Variants in ZNF165 observed in about 807,000 individuals in gnomAD.
ZNF165 encodes the protein zinc finger protein 165.
ZNF165 carries 14 observed loss-of-function variants against 19.6 expected under a neutral mutation model. That is an observed-to-expected ratio of 0.71 (90% CI 0.47 to 1.12). ZNF165 has a LOEUF of 1.12. Ranked by LOEUF, ZNF165 falls within the 50% of genes most tolerant of loss-of-function variation. The pLI, the probability that ZNF165 is intolerant of heterozygous loss-of-function variation, is 0.00. For synonymous variants in ZNF165, 165 were observed against 195.0 expected (o/e 0.85, Z 1.28); for missense variants, 504 against 566.3 (o/e 0.89, Z 1.12).
At chr6:28,081,693 T>C (rs1422975851) in intron 1 of ZNF165, among the ~76,000 whole-genome samples, 2 of 152,104 alleles carry the variant, frequency 1.3e-5, no homozygotes, top group Non-Finnish European at 1.5e-5. Flanking sequence ...TCAGGAGCCC[T>C]GCTCTTTAAC....
chr6:28,085,899 G>C lies in ZNF165; in HGVS notation c.411+8G>C. The C allele has an allele frequency of 6.2e-7, 1 of 1,605,002 alleles. No individual in the cohort carries two copies. The highest frequency in any genetic ancestry group is 2.2e-5 in the East Asian group (1 of 44,876). On this transcript the variant is annotated splice_region_variant and intron_variant, in intron 2 of 3. Coordinates refer to ENST00000683778, the MANE Select transcript of ZNF165 (RefSeq NM_001376491.1). ...GATGAAGCAGTACTCCAGGTGCACAGGGGATGGGAGATCTAAGACCTCCAT... is the reference window on the plus strand; with the variant it reads ...GATGAAGCAGTACTCCAGGTGCACACGGGATGGGAGATCTAAGACCTCCAT...
chr6:28,083,611 G>A (rs1304889605), intron 1 of ZNF165, among the ~76,000 whole-genome samples: 1 of 152,208 alleles, frequency 6.6e-6, no homozygotes, highest in Non-Finnish European at 1.5e-5. Flanking sequence ...CGACATAGCA[G>A]TAGGGACTAC....
At position 28,085,909 on chromosome 6, in the gene ZNF165, G is replaced by C; in HGVS notation, c.411+18G>C. On this transcript the variant is annotated intron_variant, in intron 2 of 3. Transcript: ENST00000683778. ...TACTCCAGGTGCACAGGGGATGGGAGATCTAAGACCTCCATAATGGATAAA... is the reference window on the plus strand; with the variant it reads ...TACTCCAGGTGCACAGGGGATGGGACATCTAAGACCTCCATAATGGATAAA... The C allele has an allele frequency of 1.9e-6, 3 of 1,601,870 alleles. No homozygotes were observed. The highest frequency in any genetic ancestry group is 2.5e-6 in the Non-Finnish European group (3 of 1,179,022).
At chr6:28,086,701 T>C (rs1330251378) in intron 3 of ZNF165, among the ~76,000 whole-genome samples, 8 of 151,694 alleles carry the variant, frequency 5.3e-5, no homozygotes, top group African/African-American at 1.9e-4. Flanking sequence ...AGAGCAAGAC[T>C]CCATCTCATA....
At position 28,089,406 on chromosome 6, in the gene ZNF165, T is replaced by G; in HGVS notation, c.1394T>G (p.Phe465Cys). ...PYECSECGRA[F>C]SQSSNLSQHQ... is the part of the protein sequence containing the mutation. ...GAATGCAGTGAGTGTGGAAGAGCCTTCAGTCAGAGCTCAAACCTTAGTCAA... is the reference window on the plus strand; with the variant it reads ...GAATGCAGTGAGTGTGGAAGAGCCTGCAGTCAGAGCTCAAACCTTAGTCAA... The change falls in exon 4 of 4, where the codon TTC (phenylalanine) becomes TGC (cysteine). Residue 465 changes from phenylalanine to cysteine, a missense_variant. Coordinates refer to ENST00000683778, the MANE Select transcript of ZNF165 (RefSeq NM_001376491.1). The G allele has an allele frequency of 6.2e-7, 1 of 1,614,094 alleles. No homozygotes were observed. Among genetic ancestry groups the G allele is most frequent in the South Asian group, 1.1e-5 (1 of 91,064 alleles).
In ZNF165 at chr6:28,088,988, T is replaced by G. The variant is rs144627947; in HGVS notation, c.976T>G (p.Phe326Val). 15 of 1,614,122 alleles carry G rather than the reference T, an allele frequency of 9.3e-6. No homozygotes were observed. In the African/African-American group the frequency reaches 1.5e-4, roughly 16 times the overall value. Residue 326 changes from phenylalanine to valine, a missense_variant, in exon 4 of 4, where the codon TTC (phenylalanine) becomes GTC (valine). Physicochemically the swap from Phe to Val is conservative, Grantham distance 50 (BLOSUM62 -1). Transcript: ENST00000683778. ...GEKNHQYGKSFKSPKLAKHAA... is the reference protein window; with the variant it reads ...GEKNHQYGKSVKSPKLAKHAA... ...AAAAAATCACCAATATGGAAAATCT[T>G]TCAAGAGCCCAAAACTTGCTAAACA...
At position 28,089,191 on chromosome 6, in the gene ZNF165, T is replaced by G; in HGVS notation, c.1179T>G (p.Ile393Met). 1 of 1,614,192 alleles carries G rather than the reference T, an allele frequency of 6.2e-7. No individual in the cohort carries two copies. The highest frequency in any genetic ancestry group is 2.2e-5 in the East Asian group (1 of 44,872). Residue 393 changes from isoleucine to methionine, a missense_variant, in exon 4 of 4, where the codon ATT (isoleucine) becomes ATG (methionine). Ile to Met is a conservative substitution (Grantham distance 10). Coordinates refer to ENST00000683778, the MANE Select transcript of ZNF165 (RefSeq NM_001376491.1). ...ESSDLTRHRR[I>M]HTGERPFGCK... ...CAGATCTTACTAGACATCGGCGAAT[T>G]CACACTGGGGAAAGACCCTTTGGTT...
At chr6:28,088,081 T>C (rs1201507957) in intron 3 of ZNF165, among the ~76,000 whole-genome samples, 1 of 152,206 alleles carries the variant, frequency 6.6e-6, no homozygotes, top group African/African-American at 2.4e-5. Context: ...CCATGGAATA[T>C]GAGGAAGAAA....
intron 3 of ZNF165, 147 bp downstream of exon 3, chr6:28,086,457 A>G: frequency 8.2e-7 from 1 of 1,221,686 alleles, no homozygotes; most frequent in Non-Finnish European, 1.1e-6. Context: ...GCGGTGGCTC[A>G]CTCCTGTAAT....
intron 1 of ZNF165, among the ~76,000 whole-genome samples, 196 bp from the exon 2 acceptor site, chr6:28,085,285 C>T (rs1014552992): frequency 6.6e-6 from 1 of 152,082 alleles, no homozygotes; most frequent in Non-Finnish European, 1.5e-5. Flanking sequence ...CAGTTGTATT[C>T]TAGAAACCAA....
chr6:28,087,767 A>T, intron 3 of ZNF165, among the ~76,000 whole-genome samples: 1 of 152,196 alleles, frequency 6.6e-6, no homozygotes, highest in East Asian at 1.9e-4. Context: ...ACTGGATCAT[A>T]AATGGATCTT....
chr6:28,087,997 A>G (rs1764317964), intron 3 of ZNF165, among the ~76,000 whole-genome samples: 1 of 152,224 alleles, frequency 6.6e-6, no homozygotes. Flanking sequence ...CGATGGTAGC[A>G]GAAATATAAA....
chr6:28,085,819 C>T lies in ZNF165; in HGVS notation c.339C>T (p.Tyr113=). ...TGCAGGCCTGGGTACATGAACATTA[C>T]CCAGAGAGTGGAGAGGAGGCAGTGA... ...GDLQAWVHEH[Y]PESGEEAVTI... Residue 113 remains tyrosine, a synonymous_variant, in exon 2 of 4, where the codon TAC becomes TAT. Coordinates refer to ENST00000683778, the MANE Select transcript of ZNF165 (RefSeq NM_001376491.1). 1 of 1,613,742 alleles carries T rather than the reference C, an allele frequency of 6.2e-7. No homozygotes were observed. The highest frequency in any genetic ancestry group is 2.2e-5 in the East Asian group (1 of 44,886).
intron 1 of ZNF165, chr6:28,081,621 A>G (rs2113681214): frequency 6.6e-6 from 1 of 151,786 alleles, no homozygotes; most frequent in East Asian, 1.9e-4. Context: ...CTCCCTCTCC[A>G]CCAACAAAAC....
At chr6:28,087,644 T>G (rs568163919) in intron 3 of ZNF165, among the ~76,000 whole-genome samples, 2 of 152,298 alleles carry the variant, frequency 1.3e-5, no homozygotes, top group South Asian at 2.1e-4. Context: ...CCTCACCCCA[T>G]GAACAGCACT....
At chr6:28,084,802 C>T (rs1363085891) in intron 1 of ZNF165, among the ~76,000 whole-genome samples, 1 of 152,212 alleles carries the variant, frequency 6.6e-6, no homozygotes, top group Admixed American at 6.5e-5. Flanking sequence ...GACTCCTCTT[C>T]AGTGACTCCC....
intron 1 of ZNF165, among the ~76,000 whole-genome samples, chr6:28,083,745 T>G (rs970246155): frequency 6.6e-6 from 1 of 152,118 alleles, no homozygotes; most frequent in African/African-American, 2.4e-5. Flanking sequence ...CATGTTCGAG[T>G]GCTATTTCTT....
Position 28,085,824 on chromosome 6 carries a change from A to G in ZNF165, c.344A>G (p.Glu115Gly), listed in dbSNP as rs759930720. The G allele has an allele frequency of 6.2e-7, 1 of 1,613,770 alleles. No individual in the cohort carries two copies. The highest frequency in any genetic ancestry group is 8.5e-7 in the Non-Finnish European group (1 of 1,180,028). ...GCCTGGGTACATGAACATTACCCAG[A>G]GAGTGGAGAGGAGGCAGTGACCATA... ...LQAWVHEHYPESGEEAVTILE... is the reference protein window; with the variant it reads ...LQAWVHEHYPGSGEEAVTILE... The change falls in exon 2 of 4, where the codon GAG (glutamate) becomes GGG (glycine). Residue 115 changes from glutamate to glycine, a missense_variant. Coordinates refer to ENST00000683778, the MANE Select transcript of ZNF165 (RefSeq NM_001376491.1).
At chr6:28,088,481 A>G (rs1181373498) in intron 3 of ZNF165, 82 bp from the exon 4 acceptor site, 2 of 1,171,444 alleles carry the variant, frequency 1.7e-6, no homozygotes, top group South Asian at 1.5e-5. Context: ...GGGCATATCA[A>G]TATGTAACTA....
Sources: allele counts gnomAD v4.1 joint callset (sites outside exome capture counted in the v4.1 genomes callset), GRCh38; gene constraint gnomAD v4.1.1; transcripts MANE v1.5; gene names NCBI Gene and HGNC (gene_info 2026-07-23, HGNC 2026-07-21).